The following DUS1L variants were observed in gnomAD, a reference collection of about 807,000 sequenced individuals.
DUS1L encodes dihydrouridine synthase 1 like.
A neutral mutation model predicts 61.2 loss-of-function variants in DUS1L; 56 were observed. That is an observed-to-expected ratio of 0.92 (90% CI 0.74 to 1.14). The LOEUF is 1.14. Among genes scored for constraint, DUS1L ranks in the 50% most tolerant of loss-of-function variants. The probability of loss-of-function intolerance (pLI) is 0.00; values close to 1 mark genes in which losing one functional copy is unlikely to be tolerated. For synonymous variants in DUS1L, 278 were observed against 259.5 expected (o/e 1.07, Z -0.69); for missense variants, 630 against 632.4 (o/e 1.00, Z 0.04).
intron 2 of DUS1L, 107 bp from the exon 3 acceptor site, chr17:82,064,341 TC>T: frequency 1.1e-6 from 1 of 935,218 alleles, no homozygotes; most frequent in Non-Finnish European, 1.6e-6. Flanking sequence ...GGGCCCAGGT[TC>T]ACTGCAGGAG....
chr17:82,058,268 TG>T lies in DUS1L; in HGVS notation c.1283-15del. The T allele has an allele frequency of 1.3e-6, 2 of 1,563,554 alleles. No individual in the cohort carries two copies. The highest frequency in any genetic ancestry group is 1.7e-6 in the Non-Finnish European group (2 of 1,149,234). Reference sequence around the variant, plus strand: ...GCAATCCGTGACCTGGCAGAGCGAGTGAGAGGAGTCGGGGGTCAGGAGGCGG... The same window carrying T: ...GCAATCCGTGACCTGGCAGAGCGAGTAGAGGAGTCGGGGGTCAGGAGGCGG... On this transcript the variant is annotated splice_polypyrimidine_tract_variant and intron_variant, in intron 13 of 13. Transcript: ENST00000306796.
chr17:82,058,344 G>C lies in DUS1L; in HGVS notation c.1279C>G (p.Pro427Ala). ...KRASKETADC[P>A]GHGLLFKTKL... ...GGCGGGTGGTAGGCGCCCTCACCTG[G>C]GCAGTCTGCAGTCTCTTTGGAGGCT... Residue 427 changes from proline (P) to alanine (A), a missense_variant, in exon 13 of 14, where the codon CCA becomes GCA. Pro to Ala is a conservative substitution (Grantham distance 27). Transcript: ENST00000306796. 1 of 1,507,510 alleles carries C rather than the reference G, an allele frequency of 6.6e-7. No homozygotes were observed. Among genetic ancestry groups the C allele is most frequent in the Non-Finnish European group, 8.9e-7 (1 of 1,125,110 alleles). The allele number at this position is 1,507,510 out of a possible 1,614,324, so 93.4% of individuals were successfully genotyped here. A position where few individuals can be genotyped will look rare whatever the true frequency, so the allele number is the denominator to read the frequency against.
In DUS1L at chr17:82,059,932, C is replaced by T. The variant is rs374006789; in HGVS notation, c.1168+16G>A. On this transcript the variant is annotated intron_variant, in intron 11 of 13. Transcript: ENST00000306796. Reference sequence around the variant, plus strand: ...GAAGAGGCTCTCTCGGGCCCATCAGCGGAAGCAGCACTTACGCTTCAGAGA... The same window carrying T: ...GAAGAGGCTCTCTCGGGCCCATCAGTGGAAGCAGCACTTACGCTTCAGAGA... The T allele has an allele frequency of 1.4e-5, 22 of 1,613,592 alleles. No homozygotes were observed. The highest frequency in any genetic ancestry group is 4.0e-5 in the African/African-American group (3 of 74,932).
chr17:82,061,905 C>T lies in DUS1L; in HGVS notation c.589G>A (p.Val197Met). Reference sequence around the variant, plus strand: ...GTGTCACCCACACCCACTCACCGCACAGCCTTGATATGCTCCCAGGACGCT... The same window carrying T: ...GTGTCACCCACACCCACTCACCGCATAGCCTTGATATGCTCCCAGGACGCT... The part of the protein sequence containing the change: ...GAASWEHIKA[V>M]RKAVAIPVFA... The change falls in exon 6 of 14, where the codon GTG becomes ATG. Residue 197 changes from valine to methionine, a missense_variant. Val to Met is a conservative substitution (Grantham distance 21). Coordinates refer to ENST00000306796, the MANE Select transcript of DUS1L (RefSeq NM_022156.5). 1 of 1,608,742 alleles carries T rather than the reference C, an allele frequency of 6.2e-7. No individual in the cohort carries two copies. The highest frequency in any genetic ancestry group is 1.1e-5 in the South Asian group (1 of 90,502).
chr17:82,061,381 C>G (rs1389627220), intron 7 of DUS1L, 28 bp from the exon 8 acceptor site: 4 of 1,550,388 alleles, frequency 2.6e-6, no homozygotes, highest in Non-Finnish European at 2.6e-6. Flanking sequence ...GGGAAGGACA[C>G]CTCGTGGGTT....
intron 5 of DUS1L, 73 bp from the exon 6 acceptor site, chr17:82,062,056 GC>G: frequency 9.9e-7 from 1 of 1,011,266 alleles, no homozygotes; most frequent in Non-Finnish European, 1.2e-6. Context: ...GCCCCTCCAC[GC>G]CCCCTCTGCC....
At chr17:82,062,008 ACCCCTCCAAGCCCCTTCCG>A in intron 5 of DUS1L, 25 bp from the exon 6 acceptor site, 1 of 1,559,940 alleles carries the variant, frequency 6.4e-7, no homozygotes, top group South Asian at 1.2e-5. Context: ...TGGTCGCTTG[ACCCCTCCAAGCCCCTTCCG>A]CCCCTCAGAG....
chr17:82,064,057 C>T, intron 3 of DUS1L, 69 bp downstream of exon 3: 1 of 1,412,876 alleles, frequency 7.1e-7, no homozygotes, highest in South Asian at 1.2e-5. Context: ...AAGCTCACCA[C>T]ACCTGGGGCT....
intron 1 of DUS1L, 172 bp from the exon 2 acceptor site, chr17:82,065,241 G>A (rs2144755049): frequency 3.4e-6 from 2 of 586,186 alleles, no homozygotes; most frequent in South Asian, 2.3e-5. Context: ...CTCCAGTGCC[G>A]CCACCTCCTA....
rs1224068187 is a variant in DUS1L at position 82,063,515 on chromosome 17, T to C, written c.350A>G (p.His117Arg). ...GCPQMIAKRG[H>R]YGAFLQDEWD... ...CTCGTCCTGCAGAAAGGCGCCATAG[T>C]GACCTGCAAGGAGCAAGCATGGCCT... The change falls in exon 4 of 14, where the codon CAC becomes CGC. Residue 117 changes from histidine to arginine, a missense_variant. By Grantham distance (29) the His-to-Arg change is conservative. Coordinates refer to ENST00000306796, the MANE Select transcript of DUS1L (RefSeq NM_022156.5). The C allele has an allele frequency of 6.2e-7, 1 of 1,613,486 alleles. No individual in the cohort carries two copies. Among genetic ancestry groups the C allele is most frequent in the African/African-American group, 1.3e-5 (1 of 74,946 alleles).
At position 82,059,910 on chromosome 17, in the gene DUS1L, G is replaced by C. The variant is rs777336185; in HGVS notation, c.1168+38C>G. ...CAACAGGGAGGATGGGGGTGATGAA[G>C]AGGCTCTCTCGGGCCCATCAGCGGA... On this transcript the variant is annotated intron_variant, in intron 11 of 13. Transcript: ENST00000306796. 4.3e-6 allele frequency: 7 copies of C among 1,611,540 alleles called. No homozygotes were observed. The East Asian group carries it at 1.1e-4, about 26-fold the overall frequency.
rs1476550460 is a variant in DUS1L at position 82,058,727 on chromosome 17, C to T, written c.1206+54G>A. On this transcript the variant is annotated intron_variant, in intron 12 of 13. Transcript: ENST00000306796. ...CCACCCCAAGCAGTGCAGAGACCAC[C>T]CTGCCCACCCCCAAAGCTGAAGCCT... The T allele has an allele frequency of 1.9e-6, 3 of 1,611,202 alleles. No individual in the cohort carries two copies. In the South Asian group the frequency reaches 3.3e-5, roughly 18 times the overall value.
intron 11 of DUS1L, 115 bp downstream of exon 11, chr17:82,059,833 C>T (rs2033379686): frequency 6.8e-7 from 1 of 1,473,252 alleles, no homozygotes; most frequent in South Asian, 1.3e-5. Context: ...TGTCTGCTTC[C>T]AGCTCTGGGC....
At chr17:82,062,010 C>T in intron 5 of DUS1L, 27 bp from the exon 6 acceptor site, 2 of 1,546,174 alleles carry the variant, frequency 1.3e-6, no homozygotes, top group Non-Finnish European at 1.7e-6. Flanking sequence ...GTCGCTTGAC[C>T]CCTCCAAGCC....
rs772398801 is a variant in DUS1L, at chr17:82,061,334, G to A, written c.717C>T (p.Pro239=). The A allele has an allele frequency of 9.3e-5, 148 of 1,589,814 alleles. No individual in the cohort carries two copies. The highest frequency in any genetic ancestry group is 1.7e-4 in the Middle Eastern group (1 of 5,974). ...VMSAEGNLHN[P]ALFEGRSPAV... is the part of the protein sequence containing the mutation. ...CAGGGCTCCGGCCCTCGAACAGGGCGGGGTTGTGCAGGTTGCCCTCTGTGG... is the reference window on the plus strand; with the variant it reads ...CAGGGCTCCGGCCCTCGAACAGGGCAGGGTTGTGCAGGTTGCCCTCTGTGG... Residue 239 remains proline (P), a synonymous_variant, in exon 8 of 14, where the codon CCC becomes CCT. Transcript: ENST00000306796.
chr17:82,065,325 T>G, intron 1 of DUS1L: 1 of 462,346 alleles, frequency 2.2e-6, no homozygotes, highest in Non-Finnish European at 3.8e-6. Flanking sequence ...GTCGGCCTGG[T>G]AGGGGACTGG....
Position 82,058,435 on chromosome 17 carries a change from G to T in DUS1L, c.1207-19C>A, listed in dbSNP as rs569743283. The stretch of plus-strand genomic sequence containing the variant: ...TGTTGCCCTGGGCACAGGAAATCTC[G>T]GGAGCCTGTGGCCAGCACCACTCCC... On this transcript the variant is annotated intron_variant, in intron 12 of 13. Transcript: ENST00000306796. The T allele has an allele frequency of 3.4e-6, 5 of 1,479,356 alleles. No individual in the cohort carries two copies. In the East Asian group the frequency reaches 1.2e-4, roughly 34 times the overall value. 91.6% of individuals were successfully genotyped at this position (1,479,356 alleles called of 1,614,324 possible).
At chr17:82,059,197 G>A (rs1359818243) in intron 11 of DUS1L, 1 of 227,740 alleles carries the variant, frequency 4.4e-6, no homozygotes, top group Non-Finnish European at 8.9e-6. Context: ...AAAGGGCCAA[G>A]AAGGGTCAAA....
chr17:82,060,309 G>C lies in DUS1L; in HGVS notation c.1023-216C>G, dbSNP rs944522105. On this transcript the variant is annotated intron_variant, in intron 10 of 13. Transcript: ENST00000306796. ...GAGTCCGCAGCTCGGGCAGCCCCAA[G>C]CTCTGAACCACCAGCTCCAGGGAGG... 3 of 640,512 alleles carry C rather than the reference G, an allele frequency of 4.7e-6. No homozygotes were observed. In the African/African-American group the frequency reaches 5.5e-5, roughly 12 times the overall value. 39.7% of individuals were successfully genotyped at this position (640,512 alleles called of 1,614,324 possible).
Sources: allele counts gnomAD v4.1 joint callset, GRCh38; gene constraint gnomAD v4.1.1; transcripts MANE v1.5; gene names NCBI Gene and HGNC (gene_info 2026-07-23, HGNC 2026-07-21).